The following LRPAP1 variants were observed in gnomAD, a reference collection of about 807,000 sequenced individuals.
LRPAP1 encodes the protein alpha-2-macroglobulin receptor-associated protein.
A neutral mutation model predicts 39.9 loss-of-function variants in LRPAP1; 41 were observed. The ratio of observed to expected loss-of-function variants is 1.03; its 90% CI spans 0.80 to 1.33. The LOEUF (loss-of-function observed/expected upper bound fraction) is 1.33, where lower values mean the gene tolerates loss of function less well. Ranked by LOEUF, LRPAP1 falls within the 40% of genes most tolerant of loss-of-function variation. The probability of loss-of-function intolerance (pLI) is 0.00; values close to 1 mark genes in which losing one functional copy is unlikely to be tolerated. For synonymous variants in LRPAP1, 263 were observed against 212.7 expected (o/e 1.24, Z -2.06); for missense variants, 565 against 482.3 (o/e 1.17, Z -1.61).
chr4:3,519,083 C>T, intron 3 of LRPAP1, 92 bp from the exon 4 acceptor site: 2 of 1,547,730 alleles, frequency 1.3e-6, no homozygotes, highest in Admixed American at 3.8e-5. Flanking sequence ...GCCAGGCAGG[C>T]CCTTGCCTAC....
chr4:3,521,564 C>T (rs753790265), intron 2 of LRPAP1, among the ~76,000 whole-genome samples: 1 of 152,228 alleles, frequency 6.6e-6, no homozygotes. Context: ...ATCGACACCA[C>T]CCTGGCCTCT....
intron 1 of LRPAP1, among the ~76,000 whole-genome samples, chr4:3,529,287 C>T (rs1730172378): frequency 6.6e-6 from 1 of 152,034 alleles, no homozygotes. Flanking sequence ...CACGCCACTG[C>T]ACCCCAGCCT....
At chr4:3,530,079 G>T (rs955156298) in intron 1 of LRPAP1, among the ~76,000 whole-genome samples, 1 of 152,122 alleles carries the variant, frequency 6.6e-6, no homozygotes, top group African/African-American at 2.4e-5. Flanking sequence ...AGTCAGGTGG[G>T]GTAAGAAGCC....
At chr4:3,517,765 A>G in intron 5 of LRPAP1, 2 of 392,658 alleles carry the variant, frequency 5.1e-6, no homozygotes, top group Middle Eastern at 6.7e-4. Flanking sequence ...GGCTGGGGAG[A>G]CGCTGGGAAG....
intron 2 of LRPAP1, among the ~76,000 whole-genome samples, chr4:3,520,812 T>C (rs1458037583): frequency 2.0e-5 from 3 of 152,256 alleles, no homozygotes; most frequent in Non-Finnish European, 4.4e-5. Flanking sequence ...CAGTGTGCTG[T>C]GGCCCAGCCA....
intron 6 of LRPAP1, 50 bp downstream of exon 6, chr4:3,516,066 G>T: frequency 6.6e-7 from 1 of 1,518,796 alleles, no homozygotes. Context: ...AACTGCAAGA[G>T]AATCTTCACC....
intron 4 of LRPAP1, 54 bp downstream of exon 4, chr4:3,518,817 G>A: frequency 2.5e-6 from 3 of 1,210,538 alleles, no homozygotes; most frequent in East Asian, 2.6e-5. Context: ...CAGGAGGGGT[G>A]GGGGGCAGGA....
At chr4:3,516,002 C>A in intron 6 of LRPAP1, 114 bp downstream of exon 6, 2 of 1,065,774 alleles carry the variant, frequency 1.9e-6, no homozygotes, top group Non-Finnish European at 2.7e-6. Context: ...GAAGAAACTG[C>A]GAGAATCTTG....
intron 4 of LRPAP1, 144 bp from the exon 5 acceptor site, chr4:3,518,336 C>T (rs775314042): frequency 4.9e-5 from 44 of 902,036 alleles, no homozygotes; most frequent in Middle Eastern, 2.4e-4. Flanking sequence ...GGTCCTGCAG[C>T]GCCGCAGAAA....
At chr4:3,516,520 C>T (rs1729710585) in intron 5 of LRPAP1, among the ~76,000 whole-genome samples, 1 of 152,234 alleles carries the variant, frequency 6.6e-6, no homozygotes, top group South Asian at 2.1e-4. Flanking sequence ...AAGCAGGAGG[C>T]AGAGGATGGA....
chr4:3,530,112 A>G (rs1730204184), intron 1 of LRPAP1, among the ~76,000 whole-genome samples: 1 of 152,160 alleles, frequency 6.6e-6, no homozygotes, highest in Non-Finnish European at 1.5e-5. Flanking sequence ...TATTTGCACG[A>G]ACAATTCTCT....
At chr4:3,528,316 C>T (rs548666173) in intron 1 of LRPAP1, among the ~76,000 whole-genome samples, 107 of 152,342 alleles carry the variant, frequency 7.0e-4, no homozygotes, top group African/African-American at 2.5e-3. Context: ...TCCTGTGTCC[C>T]CAGACACAAG....
Position 3,509,802 on chromosome 4 carries a change from ACGGCAG to A in LRPAP1, c.*3166_*3171del. On this transcript the variant is annotated 3_prime_UTR_variant, in exon 8 of 8. Transcript: ENST00000650182. ...GCTGAGACGCCGACTGGAGTCACAC[ACGGCAG>A]TCAACGCGTGGACACTGGAGACTGT... 8.1e-6 allele frequency: 1 copy of A among 123,394 alleles called. No individual in the cohort carries two copies. The highest frequency in any genetic ancestry group is 3.1e-5 in the African/African-American group (1 of 32,228). The allele number at this position is 123,394 out of a possible 1,614,324, so 7.6% of individuals were successfully genotyped here. A position where few individuals can be genotyped will look rare whatever the true frequency, so the allele number is the denominator to read the frequency against.
At chr4:3,518,001 C>G in intron 5 of LRPAP1, 33 bp downstream of exon 5, 2 of 1,565,464 alleles carry the variant, frequency 1.3e-6, no homozygotes, top group Non-Finnish European at 1.7e-6. Context: ...CGGCCCCACC[C>G]TCGGGAACCA....
intron 1 of LRPAP1, 110 bp from the exon 2 acceptor site, chr4:3,525,161 A>G (rs1434702826): frequency 8.0e-7 from 1 of 1,252,170 alleles, no homozygotes; most frequent in Non-Finnish European, 1.2e-6. Context: ...GAGACCAGGA[A>G]GAGGTGGAGT....
chr4:3,523,927 G>T (rs1730000008), intron 2 of LRPAP1, among the ~76,000 whole-genome samples: 1 of 152,130 alleles, frequency 6.6e-6, no homozygotes, highest in Non-Finnish European at 1.5e-5. Flanking sequence ...CGGAGGTGGG[G>T]GGCAGGGGAC....
intron 2 of LRPAP1, among the ~76,000 whole-genome samples, chr4:3,520,741 T>C (rs1300907365): frequency 6.6e-6 from 1 of 152,236 alleles, no homozygotes; most frequent in Non-Finnish European, 1.5e-5. Flanking sequence ...AGGAGAAACG[T>C]CAGTGTCAGC....
At position 3,531,966 on chromosome 4, in the gene LRPAP1, G is replaced by A. The variant is rs535629484; in HGVS notation, c.204+243C>T. The A allele has an allele frequency of 6.2e-5, 35 of 562,868 alleles. No homozygotes were observed. In the South Asian group the frequency reaches 7.5e-4, roughly 12 times the overall value. The allele number at this position is 562,868 out of a possible 1,614,324, so 34.9% of individuals were successfully genotyped here. A position where few individuals can be genotyped will look rare whatever the true frequency, so the allele number is the denominator to read the frequency against. ...GCTGGGGAGGGCGACACTGACCCTC[G>A]GGGTGCCGGCCGCCACCTGCTTCAC... On this transcript the variant is annotated intron_variant, in intron 1 of 7. Transcript: ENST00000650182.
rs1441887831 is a variant in LRPAP1, at chr4:3,514,818, C to T, written c.945G>A (p.Glu315=). Residue 315 remains glutamate, a synonymous_variant, in exon 7 of 8, where the codon GAG becomes GAA. Coordinates refer to ENST00000650182, the MANE Select transcript of LRPAP1 (RefSeq NM_002337.4). Reference sequence around the variant, plus strand: ...GCTTCTCGCGGCTGCGGCTCACACGCTCGCCGTCGCCCACGCTCTCTGCGT... The same window carrying T: ...GCTTCTCGCGGCTGCGGCTCACACGTTCGCCGTCGCCCACGCTCTCTGCGT... ...LRHAESVGDG[E]RVSRSREKHA... is the part of the protein sequence containing the mutation. 3 of 1,613,320 alleles carry T rather than the reference C, an allele frequency of 1.9e-6. No homozygotes were observed. The highest frequency in any genetic ancestry group is 1.1e-5 in the South Asian group (1 of 91,092).
Sources: allele counts gnomAD v4.1 joint callset (sites outside exome capture counted in the v4.1 genomes callset), GRCh38; gene constraint gnomAD v4.1.1; transcripts MANE v1.5; gene names NCBI Gene and HGNC (gene_info 2026-07-23, HGNC 2026-07-21).